The following BCL2L11 variants were observed in gnomAD, a reference collection of about 807,000 sequenced individuals.
BCL2L11 encodes BCL2 like 11.
BCL2L11 carries 15 observed loss-of-function variants against 20.6 expected under a neutral mutation model. The observed-to-expected ratio is 0.73, with a 90% CI of 0.49 to 1.12. The LOEUF (loss-of-function observed/expected upper bound fraction) is 1.12, where lower values mean the gene tolerates loss of function less well. Among genes scored for constraint, BCL2L11 ranks in the 50% most tolerant of loss-of-function variants. The probability of loss-of-function intolerance (pLI) is 0.00; values close to 1 mark genes in which losing one functional copy is unlikely to be tolerated. For synonymous variants in BCL2L11, 108 were observed against 92.8 expected (o/e 1.16, Z -0.94); for missense variants, 292 against 260.9 (o/e 1.12, Z -0.82).
chr2:111,158,926 G>A (rs916048997), intron 3 of BCL2L11, among the ~76,000 whole-genome samples: 3 of 152,092 alleles, frequency 2.0e-5, no homozygotes, highest in African/African-American at 7.3e-5. Context: ...TCCCCTTTGA[G>A]CCATGCTATG....
chr2:111,157,901 G>GGTAC (rs1345206930), intron 3 of BCL2L11, among the ~76,000 whole-genome samples: 1 of 152,172 alleles, frequency 6.6e-6, no homozygotes, highest in Non-Finnish European at 1.5e-5. Flanking sequence ...TTGGGGTGAA[G>GGTAC]GTACCATGCA....
intron 2 of BCL2L11, among the ~76,000 whole-genome samples, chr2:111,145,728 A>G (rs1376290609): frequency 6.6e-6 from 1 of 152,172 alleles, no homozygotes; most frequent in East Asian, 1.9e-4. Flanking sequence ...GTGTTGGAAA[A>G]TGCCCTCCAC....
intron 3 of BCL2L11, chr2:111,153,881 A>G: frequency 3.2e-6 from 5 of 1,549,878 alleles, no homozygotes; most frequent in Non-Finnish European, 4.4e-6. Context: ...TGAATCCTTG[A>G]AGGAGGAGGT....
intron 2 of BCL2L11, among the ~76,000 whole-genome samples, chr2:111,148,436 G>A (rs2076840985): frequency 1.3e-5 from 2 of 152,194 alleles, no homozygotes; most frequent in South Asian, 4.1e-4. Context: ...TATGACATCA[G>A]CATCACCTCA....
chr2:111,128,835 T>C, intron 2 of BCL2L11: 1 of 1,444,992 alleles, frequency 6.9e-7, no homozygotes, highest in Non-Finnish European at 9.1e-7. Context: ...TAAAATGTAT[T>C]TTAATATTGA....
chr2:111,121,883 C>CG (rs1373822999), intron 1 of BCL2L11, among the ~76,000 whole-genome samples: 1 of 152,172 alleles, frequency 6.6e-6, no homozygotes, highest in Non-Finnish European at 1.5e-5. Flanking sequence ...GGGGACTAGT[C>CG]GCGGCCGGCA....
Position 111,121,062 on chromosome 2 carries a change from GC to G in BCL2L11, c.-138del, listed in dbSNP as rs577311617. On this transcript the variant is annotated 5_prime_UTR_variant, in exon 1 of 4. Coordinates refer to ENST00000393256, the MANE Select transcript of BCL2L11 (RefSeq NM_138621.5). ...TTCTTGCAGCCACCCTGCGAACCCT[GC>G]CACACTGCGATCGCATCATCGCGGT... The G allele has an allele frequency of 1.3e-4, 47 of 351,468 alleles. No individual in the cohort carries two copies. The East Asian group carries it at 2.5e-3, about 19-fold the overall frequency. 21.8% of individuals were successfully genotyped at this position (351,468 alleles called of 1,614,324 possible). A position where few individuals can be genotyped will look rare whatever the true frequency, so the allele number is the denominator to read the frequency against.
In BCL2L11 at chr2:111,167,383, C is replaced by T. The variant is rs887199568; in HGVS notation, c.*3152C>T. On this transcript the variant is annotated 3_prime_UTR_variant, in exon 4 of 4. Coordinates refer to ENST00000393256, the MANE Select transcript of BCL2L11 (RefSeq NM_138621.5). ...CTACAAAATTCTACTCCAAGAAATA[C>T]CCAGCAACCTTCTGTTTGTTCCAAA... 2.6e-5 allele frequency: 4 copies of T among 152,332 alleles called. No individual in the cohort carries two copies. The highest frequency in any genetic ancestry group is 1.9e-4 in the East Asian group (1 of 5,190). The allele number at this position is 152,332 out of a possible 1,614,324, so 9.4% of individuals were successfully genotyped here.
intron 2 of BCL2L11, chr2:111,132,368 A>T (rs2074108338): frequency 1.3e-5 from 2 of 152,228 alleles, no homozygotes; most frequent in Non-Finnish European, 2.9e-5. Context: ...TGTAGCTAGG[A>T]AGTAATTCAG....
chr2:111,132,514 T>C (rs2074133657), intron 2 of BCL2L11, among the ~76,000 whole-genome samples: 1 of 152,228 alleles, frequency 6.6e-6, no homozygotes, highest in African/African-American at 2.4e-5. Context: ...AGGACCAATT[T>C]ATTTGCAAAA....
intron 3 of BCL2L11, among the ~76,000 whole-genome samples, chr2:111,161,892 C>T (rs1279673268): frequency 6.6e-6 from 1 of 152,188 alleles, no homozygotes; most frequent in South Asian, 2.1e-4. Context: ...GTATCTAGAT[C>T]GCAGGGAGAT....
chr2:111,151,893 G>A, intron 3 of BCL2L11: 2 of 1,546,180 alleles, frequency 1.3e-6, no homozygotes, highest in Non-Finnish European at 1.7e-6. Context: ...GATCTGAAAT[G>A]GTAATTTTTT....
intron 3 of BCL2L11, among the ~76,000 whole-genome samples, chr2:111,162,157 G>A (rs903719630): frequency 5.3e-5 from 8 of 152,194 alleles, no homozygotes; most frequent in South Asian, 2.1e-4. Flanking sequence ...AGCTCCAGCC[G>A]GCCGTGCCAG....
intron 2 of BCL2L11, among the ~76,000 whole-genome samples, chr2:111,129,612 T>C (rs572960395): frequency 3.9e-4 from 59 of 152,370 alleles, no homozygotes; most frequent in African/African-American, 1.3e-3. Context: ...TATTGAGATT[T>C]CATCAGTTTC....
chr2:111,167,763 T>C lies in BCL2L11; in HGVS notation c.*3532T>C, dbSNP rs2079092948. ...GGACTAACTTGTCTTCAGGAGCTAATTAACTGTACAGCCCTCCCCACGCCC... is the reference window on the plus strand; with the variant it reads ...GGACTAACTTGTCTTCAGGAGCTAACTAACTGTACAGCCCTCCCCACGCCC... On this transcript the variant is annotated 3_prime_UTR_variant, in exon 4 of 4. Transcript: ENST00000393256. 1 of 152,466 alleles carries C rather than the reference T, an allele frequency of 6.6e-6. No homozygotes were observed. The highest frequency in any genetic ancestry group is 1.5e-5 in the Non-Finnish European group (1 of 68,118). The allele number at this position is 152,466 out of a possible 1,614,324, so 9.4% of individuals were successfully genotyped here.
chr2:111,130,009 C>T, intron 2 of BCL2L11: 1 of 294,666 alleles, frequency 3.4e-6, no homozygotes, highest in South Asian at 2.5e-5. Flanking sequence ...CTTAGCTATT[C>T]ACCTGTTGAA....
intron 2 of BCL2L11, among the ~76,000 whole-genome samples, chr2:111,141,164 G>T (rs905822486): frequency 2.6e-5 from 4 of 152,214 alleles, no homozygotes; most frequent in African/African-American, 4.8e-5. Context: ...GCAGTGTAGG[G>T]AGTTGGTGCC....
chr2:111,153,900 C>A, intron 3 of BCL2L11: 2 of 1,544,718 alleles, frequency 1.3e-6, no homozygotes, highest in South Asian at 1.2e-5. Context: ...GTGAGAGAGG[C>A]ACAGGTGAGC....
chr2:111,152,384 C>G (rs147416976), intron 3 of BCL2L11, among the ~76,000 whole-genome samples: 4 of 152,366 alleles, frequency 2.6e-5, no homozygotes, highest in Non-Finnish European at 4.4e-5. Context: ...TAAGCTTGCA[C>G]ATTCTCAAGG....
Sources: gnomAD v4.1 joint callset for allele counts (sites outside exome capture counted in the v4.1 genomes callset) on GRCh38, gnomAD v4.1.1 for gene constraint, MANE v1.5 for transcripts, NCBI Gene and HGNC (gene_info 2026-07-23, HGNC 2026-07-21) for gene names.